Variants in TMEM108 observed in about 807,000 individuals in gnomAD.
The protein encoded by TMEM108 is cancer/testis antigen 124.
A neutral mutation model predicts 35.1 loss-of-function variants in TMEM108; 12 were observed. The ratio of observed to expected loss-of-function variants is 0.34; its 90% CI spans 0.22 to 0.55. TMEM108 has a LOEUF of 0.55. TMEM108 is among the 20% of genes least tolerant of loss of function. The pLI, the probability that TMEM108 is intolerant of heterozygous loss-of-function variation, is 0.89. For synonymous variants in TMEM108, 287 were observed against 308.6 expected (o/e 0.93, Z 0.73); for missense variants, 680 against 753.3 (o/e 0.90, Z 1.14).
intron 4 of TMEM108, chr3:133,388,394 C>T (rs569210995): frequency 1.3e-5 from 13 of 985,384 alleles, no homozygotes; most frequent in Middle Eastern, 5.2e-4. Context: ...AATAAGGAGG[C>T]GGCCTGAATT....
At chr3:133,345,180 A>G (rs546187887) in intron 3 of TMEM108, among the ~76,000 whole-genome samples, 4 of 151,936 alleles carry the variant, frequency 2.6e-5, no homozygotes, top group African/African-American at 7.2e-5. Context: ...AAATAAAGAT[A>G]CAGCAATCTG....
At chr3:133,162,599 A>G (rs921422479) in intron 2 of TMEM108, among the ~76,000 whole-genome samples, 1 of 152,200 alleles carries the variant, frequency 6.6e-6, no homozygotes, top group African/African-American at 2.4e-5. Context: ...TCTTATGTCC[A>G]GCACACATTT....
At position 133,272,273 on chromosome 3, in the gene TMEM108, G is replaced by GTGTGTGTT. The variant is rs1946782734; in HGVS notation, c.40+42929_40+42930insTTGTGTGT. ...CCTTATAAGAACACCATACACGTAC[G>GTGTGTGTT]TGTGTGTGTGTGTGTGTGTGTGTGT... On this transcript the variant is annotated intron_variant, in intron 3 of 5. Transcript: ENST00000321871. 2.6e-4 allele frequency among the ~76,000 whole-genome samples: 4 copies of GTGTGTGTT among 15,446 alleles called. No individual in the cohort carries two copies. In the African/African-American group the frequency reaches 3.0e-3, roughly 11 times the overall value. 10.1% of individuals were successfully genotyped at this position (15,446 alleles called of 152,430 possible).
At chr3:133,089,478 T>C (rs1943921977) in intron 2 of TMEM108, among the ~76,000 whole-genome samples, 1 of 152,240 alleles carries the variant, frequency 6.6e-6, no homozygotes, top group Non-Finnish European at 1.5e-5. Context: ...TAGTTGTTTT[T>C]TGGTCCACTT....
At chr3:133,201,311 T>A (rs1002466842) in intron 2 of TMEM108, among the ~76,000 whole-genome samples, 15 of 151,768 alleles carry the variant, frequency 9.9e-5, no homozygotes, top group Admixed American at 2.6e-4. Context: ...AAAAAAAAAA[T>A]TTATACTTTA....
chr3:133,109,865 CTAA>C (rs1944204513), intron 2 of TMEM108, among the ~76,000 whole-genome samples: 1 of 151,976 alleles, frequency 6.6e-6, no homozygotes, highest in South Asian at 2.1e-4. Context: ...AGCCTCCTGC[CTAA>C]TAATCAGTGT....
chr3:133,093,227 G>A (rs528425193), intron 2 of TMEM108, among the ~76,000 whole-genome samples: 94 of 152,268 alleles, frequency 6.2e-4, no homozygotes, highest in Non-Finnish European at 1.1e-3. Flanking sequence ...CTGACCTCAA[G>A]CAATCCACCT....
At chr3:133,181,028 A>ACAAAAC (rs1422713508) in intron 2 of TMEM108, among the ~76,000 whole-genome samples, 4 of 144,770 alleles carry the variant, frequency 2.8e-5, no homozygotes, top group African/African-American at 1.1e-4. Flanking sequence ...AAAAAAAAAA[A>ACAAAAC]AAAAAAAAAA....
At chr3:133,274,307 A>G (rs1946810958) in intron 3 of TMEM108, among the ~76,000 whole-genome samples, 1 of 152,182 alleles carries the variant, frequency 6.6e-6, no homozygotes, top group Admixed American at 6.5e-5. Flanking sequence ...GAATCCTGTT[A>G]GGACAGTATG....
intron 2 of TMEM108, among the ~76,000 whole-genome samples, chr3:133,097,089 T>C (rs1490150872): frequency 6.6e-6 from 1 of 152,262 alleles, no homozygotes; most frequent in African/African-American, 2.4e-5. Context: ...GTAGAGGCCA[T>C]GACCTGGGTC....
intron 3 of TMEM108, among the ~76,000 whole-genome samples, chr3:133,310,361 A>G (rs902163205): frequency 1.3e-4 from 20 of 151,972 alleles, no homozygotes; most frequent in Non-Finnish European, 2.2e-4. Flanking sequence ...GTCTCTAAGG[A>G]CTTGCTTTAT....
At chr3:133,168,927 C>T (rs772109804) in intron 2 of TMEM108, among the ~76,000 whole-genome samples, 1 of 152,044 alleles carries the variant, frequency 6.6e-6, no homozygotes, top group Non-Finnish European at 1.5e-5. Context: ...GTAACACTCA[C>T]GTGAAGGTCT....
intron 2 of TMEM108, among the ~76,000 whole-genome samples, chr3:133,102,435 C>G (rs949359005): frequency 6.6e-6 from 1 of 152,196 alleles, no homozygotes; most frequent in Non-Finnish European, 1.5e-5. Context: ...AGGAAGTTTT[C>G]TCTTTCATAG....
chr3:133,394,061 T>C (rs2073271853), intron 5 of TMEM108, among the ~76,000 whole-genome samples: 1 of 152,210 alleles, frequency 6.6e-6, no homozygotes, highest in Non-Finnish European at 1.5e-5. Flanking sequence ...TAGAGTAATA[T>C]TACAATTTGT....
chr3:133,144,070 C>G (rs1348572689), intron 2 of TMEM108, among the ~76,000 whole-genome samples: 1 of 151,298 alleles, frequency 6.6e-6, no homozygotes, highest in Non-Finnish European at 1.5e-5. Flanking sequence ...TTTGCTGTAC[C>G]CATCAACCTG....
intron 2 of TMEM108, among the ~76,000 whole-genome samples, chr3:133,054,538 A>T (rs529865364): frequency 7.2e-5 from 11 of 152,318 alleles, no homozygotes; most frequent in African/African-American, 2.6e-4. Context: ...AACTTGGCTT[A>T]TTACTGTAAA....
chr3:133,167,741 C>T (rs370704177), intron 2 of TMEM108, among the ~76,000 whole-genome samples: 2 of 152,306 alleles, frequency 1.3e-5, no homozygotes, highest in Non-Finnish European at 2.9e-5. Context: ...CCGTGAGCAC[C>T]GCATGCAGCC....
At chr3:133,263,940 T>G (rs1513369) in intron 3 of TMEM108, among the ~76,000 whole-genome samples, 146,998 of 152,256 alleles carry the variant, frequency 0.97, 71,148 homozygotes, top group East Asian at 1. Flanking sequence ...AATAATCATT[T>G]TCCAGCTCAG....
At chr3:133,078,183 GTGTGTA>G (rs1196091607) in intron 2 of TMEM108, among the ~76,000 whole-genome samples, 2 of 110,882 alleles carry the variant, frequency 1.8e-5, no homozygotes, top group African/African-American at 6.8e-5. Flanking sequence ...GCACACGTGT[GTGTGTA>G]TATCTCAGAT....
Sources: gnomAD v4.1 joint callset for allele counts (sites outside exome capture counted in the v4.1 genomes callset) on GRCh38, gnomAD v4.1.1 for gene constraint, MANE v1.5 for transcripts, NCBI Gene and HGNC (gene_info 2026-07-23, HGNC 2026-07-21) for gene names.